KIF1C: variants seen among roughly 807,000 people sequenced by gnomAD.
KIF1C encodes kinesin-like protein KIF1C.
Under a neutral mutation model 126.5 loss-of-function variants are expected in KIF1C, and 61 were observed. That is an observed-to-expected ratio of 0.48 (90% CI 0.39 to 0.60). The LOEUF is 0.60. Among genes scored for constraint, KIF1C ranks in the 20% least tolerant of loss-of-function variants. KIF1C has a pLI of 0.00. For synonymous variants in KIF1C, 640 were observed against 580.6 expected (o/e 1.10, Z -1.47); for missense variants, 1,315 against 1,489.2 (o/e 0.88, Z 1.93).
rs1009124941 is a variant in KIF1C at position 5,019,922 on chromosome 17, A to G, written c.1667-74A>G. On this transcript the variant is annotated intron_variant, in intron 18 of 22. Coordinates refer to ENST00000320785, the MANE Select transcript of KIF1C (RefSeq NM_006612.6). ...ATGTGTGGTTTTTTGGGGTAAGGCAAGGTGGGAATCTGTGACCATGACCCA... is the reference window on the plus strand; with the variant it reads ...ATGTGTGGTTTTTTGGGGTAAGGCAGGGTGGGAATCTGTGACCATGACCCA... 16 of 1,217,032 alleles carry G rather than the reference A, an allele frequency of 1.3e-5. No homozygotes were observed. In the African/African-American group the frequency reaches 1.8e-4, roughly 14 times the overall value. The allele number at this position is 1,217,032 out of a possible 1,614,324, so 75.4% of individuals were successfully genotyped here.
intron 3 of KIF1C, 75 bp downstream of exon 3, chr17:5,000,427 G>C (rs920569807): frequency 2.0e-6 from 2 of 1,010,490 alleles, no homozygotes; most frequent in African/African-American, 3.2e-5. Flanking sequence ...GTCCCGCTGG[G>C]CCAAACTAAG....
intron 18 of KIF1C, chr17:5,019,489 G>A (rs530807384): frequency 1.4e-4 from 24 of 174,516 alleles, no homozygotes; most frequent in Non-Finnish European, 2.5e-4. Flanking sequence ...ATGGATGTTT[G>A]GGTTGGGTTG....
intron 18 of KIF1C, among the ~76,000 whole-genome samples, chr17:5,017,385 T>C (rs1467641389): frequency 6.8e-6 from 1 of 148,124 alleles, no homozygotes; most frequent in Non-Finnish European, 1.5e-5. Flanking sequence ...CTGCAAGCTC[T>C]GCCTCCCGGG....
chr17:5,000,889 C>A lies in KIF1C; in HGVS notation c.183+41C>A. 4.4e-6 allele frequency: 7 copies of A among 1,582,330 alleles called. No individual in the cohort carries two copies. In the South Asian group the frequency reaches 5.5e-5, roughly 13 times the overall value. ...GGGGGAAGAGCAAGGCAGTGAGAGA[C>A]AGAGGATTTAGGTCCTGGGGAGGGG... On this transcript the variant is annotated intron_variant, in intron 4 of 22. Transcript: ENST00000320785.
rs1018387926 is a variant in KIF1C, at chr17:5,022,086, C to T, written c.2011-6C>T. On this transcript the variant is annotated splice_polypyrimidine_tract_variant and splice_region_variant and intron_variant, in intron 21 of 22. Coordinates refer to ENST00000320785, the MANE Select transcript of KIF1C (RefSeq NM_006612.6). The surrounding 1 kb of genome is among the most constrained non-coding windows in gnomAD (Gnocchi z 4.9). The stretch of plus-strand genomic sequence containing the variant: ...CCTCTCTTCCTCTTTCTTTCTCTGG[C>T]CCCAGTATGCAGACTCGGACAGCGG... 1.9e-6 allele frequency: 3 copies of T among 1,590,580 alleles called. No homozygotes were observed. The highest frequency in any genetic ancestry group is 1.3e-5 in the African/African-American group (1 of 74,466).
In KIF1C at chr17:5,024,077, C is replaced by T. The variant is rs760407824; in HGVS notation, c.3238C>T (p.Pro1080Ser). 1.2e-6 allele frequency: 2 copies of T among 1,606,360 alleles called. No individual in the cohort carries two copies. Among genetic ancestry groups the T allele is most frequent in the Non-Finnish European group, 1.7e-6 (2 of 1,176,028 alleles). Residue 1080 changes from proline to serine, a missense_variant, in exon 23 of 23, where the codon CCA becomes TCA. This residue lies in a region of KIF1C where 441 missense variants were observed against 436.1 expected (regional missense o/e 1.01). Coordinates refer to ENST00000320785, the MANE Select transcript of KIF1C (RefSeq NM_006612.6). ...GCGGCCCCCAGGGCCCCGCTACCCC[C>T]CATACACTACTCCCCCACGAATGAG... Reference protein sequence around the residue: ...AQRPPGPRYPPYTTPPRMRRQ... With the variant: ...AQRPPGPRYPSYTTPPRMRRQ...
Position 5,025,122 on chromosome 17 carries a change from C to T in KIF1C, c.*971C>T, listed in dbSNP as rs751990455. The T allele has an allele frequency of 1.3e-5, 2 of 152,298 alleles. No homozygotes were observed. Among genetic ancestry groups the T allele is most frequent in the African/African-American group, 4.8e-5 (2 of 41,440 alleles). 9.4% of individuals were successfully genotyped at this position (152,298 alleles called of 1,614,324 possible). On this transcript the variant is annotated 3_prime_UTR_variant, in exon 23 of 23. Coordinates refer to ENST00000320785, the MANE Select transcript of KIF1C (RefSeq NM_006612.6). ...CTGATGACCTCAAGTGATCCGCCCACCTTGGCCTCCCAAAGTGGTGGGATT... is the reference window on the plus strand; with the variant it reads ...CTGATGACCTCAAGTGATCCGCCCATCTTGGCCTCCCAAAGTGGTGGGATT...
intron 1 of KIF1C, 81 bp downstream of exon 1, chr17:4,998,237 G>C (rs2143292105): frequency 6.6e-6 from 1 of 152,572 alleles, no homozygotes; most frequent in South Asian, 2.1e-4. Context: ...GGGGTCCGGC[G>C]GCGCGATCTA....
Position 5,007,498 on chromosome 17 carries a change from G to T in KIF1C, c.1447G>T (p.Val483Phe). 3 of 1,573,764 alleles carry T rather than the reference G, an allele frequency of 1.9e-6. No individual in the cohort carries two copies. Among genetic ancestry groups the T allele is most frequent in the Non-Finnish European group, 2.6e-6 (3 of 1,160,306 alleles). Residue 483 changes from valine (V) to phenylalanine (F), a missense_variant, in exon 16 of 23, where the codon GTC becomes TTC. Coordinates refer to ENST00000320785, the MANE Select transcript of KIF1C (RefSeq NM_006612.6). ...ATTGCTGGCTGAGATGGGGGTGGCC[G>T]TCCGGGAGGATGGGGGAACTGTGGG... ...EALLAEMGVA[V>F]REDGGTVGVF...
chr17:5,014,039 G>T (rs939935634), intron 17 of KIF1C, among the ~76,000 whole-genome samples: 2 of 152,198 alleles, frequency 1.3e-5, no homozygotes, highest in African/African-American at 4.8e-5. Flanking sequence ...TCCCTTGGTG[G>T]GGCCTTCCCT....
rs748096408 is a variant in KIF1C, at chr17:5,023,586, C to T, written c.2747C>T (p.Pro916Leu). 38 of 1,613,668 alleles carry T rather than the reference C, an allele frequency of 2.4e-5. No individual in the cohort carries two copies. The highest frequency in any genetic ancestry group is 1.7e-4 in the Middle Eastern group (1 of 6,060). ...DRMPSARPPS[P>L]PLSSWERVSR... ...ATGCCGTCAGCCCGGCCCCCCTCGC[C>T]ACCACTGTCAAGCTGGGAGCGGGTG... Residue 916 changes from proline to leucine, a missense_variant, in exon 23 of 23, where the codon CCA becomes CTA. Transcript: ENST00000320785. The surrounding 1 kb of genome is among the most constrained non-coding windows in gnomAD (Gnocchi z 4.2).
At chr17:5,017,648 G>A (rs1975002397) in intron 18 of KIF1C, among the ~76,000 whole-genome samples, 1 of 152,170 alleles carries the variant, frequency 6.6e-6, no homozygotes, top group South Asian at 2.1e-4. Context: ...GCCAGAAACA[G>A]GCAGAGAGGA....
At chr17:4,999,816 AG>A (rs1974533851) in intron 1 of KIF1C, 33 bp from the exon 2 acceptor site, 1 of 178,998 alleles carries the variant, frequency 5.6e-6, no homozygotes, top group Non-Finnish European at 1.2e-5. Flanking sequence ...CTGGAACCAC[AG>A]GTGCCTTCTA....
chr17:4,999,856 T>TCC lies in KIF1C; in HGVS notation c.-140_-139dup, dbSNP rs1402033982. The TCC allele has an allele frequency of 4.9e-6, 1 of 203,682 alleles. No individual in the cohort carries two copies. Among genetic ancestry groups the TCC allele is most frequent in the Non-Finnish European group, 1.0e-5 (1 of 98,478 alleles). The allele number at this position is 203,682 out of a possible 1,614,324, so 12.6% of individuals were successfully genotyped here. A position where few individuals can be genotyped will look rare whatever the true frequency, so the allele number is the denominator to read the frequency against. On this transcript the variant is annotated 5_prime_UTR_variant, in exon 2 of 23. Coordinates refer to ENST00000320785, the MANE Select transcript of KIF1C (RefSeq NM_006612.6). ...ACTCTTCCCCCGCAATCAGGGTATC[T>TCC]CCCAGAGCCCCAGCTGGTGTGGCCA...
Position 5,023,715 on chromosome 17 carries a change from G to A in KIF1C, c.2876G>A (p.Gly959Asp). The A allele has an allele frequency of 6.4e-7, 1 of 1,551,356 alleles. No homozygotes were observed. Among genetic ancestry groups the A allele is most frequent in the Non-Finnish European group, 8.7e-7 (1 of 1,151,006 alleles). Residue 959 changes from glycine (G) to aspartate (D), a missense_variant, in exon 23 of 23, where the codon GGC (glycine) becomes GAC (aspartate). Gly to Asp is a moderately conservative substitution (Grantham distance 94, BLOSUM62 -1). Transcript: ENST00000320785. This position sits in a 1 kb window ranked among gnomAD's most constrained non-coding sequence, Gnocchi z 4.2. ...LQGLQGSGGR[G>D]GGLRRPPARF... ...GGACTGCAGGGCTCTGGGGGCCGGG[G>A]CGGGGGGCTGCGCAGGCCCCCAGCC...
intron 17 of KIF1C, 59 bp from the exon 18 acceptor site, chr17:5,014,684 A>T (rs1974934804): frequency 2.4e-6 from 3 of 1,235,966 alleles, no homozygotes; most frequent in Non-Finnish European, 3.5e-6. Flanking sequence ...ACTGGTGTTC[A>T]GGAGGGGCTT....
chr17:5,004,565 A>AG lies in KIF1C; in HGVS notation c.945dup. ...AAGCTTTTCCATGCACTCCATTCAC[A>AG]GGGGGGAACTCACGCACAGCCATGA... On this transcript the variant is annotated splice_acceptor_variant, in intron 11 of 22. Transcript: ENST00000320785. LOFTEE classifies it high-confidence loss of function. 2 of 1,613,920 alleles carry AG rather than the reference A, an allele frequency of 1.2e-6. No homozygotes were observed. Among genetic ancestry groups the AG allele is most frequent in the Non-Finnish European group, 1.7e-6 (2 of 1,179,896 alleles).
At chr17:5,006,805 T>A in intron 13 of KIF1C, 110 bp from the exon 14 acceptor site, 1 of 1,134,160 alleles carries the variant, frequency 8.8e-7, no homozygotes, top group Non-Finnish European at 1.3e-6. Context: ...ACCAGCAGTC[T>A]TCTGTAGTCC....
intron 17 of KIF1C, 52 bp from the exon 18 acceptor site, chr17:5,014,691 G>C: frequency 7.5e-7 from 1 of 1,326,120 alleles, no homozygotes. Flanking sequence ...TTCAGGAGGG[G>C]CTTGGTTAAA....
Sources: gnomAD v4.1 joint callset for allele counts (sites outside exome capture counted in the v4.1 genomes callset) on GRCh38, gnomAD v4.1.1 for gene constraint, gnomAD v4.1.1 regional missense constraint, Gnocchi (gnomAD v3.1) non-coding constraint, MANE v1.5 for transcripts, NCBI Gene and HGNC (gene_info 2026-07-23, HGNC 2026-07-21) for gene names.